The following SDK2 variants were observed in gnomAD, a reference collection of about 807,000 sequenced individuals.
The protein encoded by SDK2 is sidekick cell adhesion molecule 2, also known as protein sidekick-2.
Under a neutral mutation model 253.9 loss-of-function variants are expected in SDK2, and 105 were observed. That is an observed-to-expected ratio of 0.41 (90% CI 0.35 to 0.49). The LOEUF is 0.49. SDK2 is among the 20% of genes least tolerant of loss of function. The pLI, the probability that SDK2 is intolerant of heterozygous loss-of-function variation, is 0.06. For missense variants in SDK2, 2,608 were observed against 3,003.0 expected (o/e 0.87, Z 3.07); for synonymous variants, 1,249 against 1,234.9 (o/e 1.01, Z -0.24).
At chr17:73,533,837 G>A (rs1270342558) in intron 1 of SDK2, among the ~76,000 whole-genome samples, 1 of 152,122 alleles carries the variant, frequency 6.6e-6, no homozygotes, top group Non-Finnish European at 1.5e-5. Flanking sequence ...TTGAGACTCT[G>A]CCCCCAAAGA....
At chr17:73,394,471 G>T (rs191199954) in intron 25 of SDK2, 147 bp from the exon 26 acceptor site, 275 of 481,028 alleles carry the variant, frequency 5.7e-4, no homozygotes, top group Admixed American at 8.5e-4. Context: ...TCCCCAAACT[G>T]CAAACAATCC....
At chr17:73,593,155 G>A (rs936858648) in intron 1 of SDK2, among the ~76,000 whole-genome samples, 7 of 152,098 alleles carry the variant, frequency 4.6e-5, no homozygotes, top group Non-Finnish European at 7.4e-5. Context: ...CGACAGGCTG[G>A]GTACCCCACC....
chr17:73,550,390 C>T (rs1042633834), intron 1 of SDK2, among the ~76,000 whole-genome samples: 1 of 152,192 alleles, frequency 6.6e-6, no homozygotes, highest in African/African-American at 2.4e-5. Context: ...AGCTCAATTA[C>T]TGCCAAAATG....
At chr17:73,535,155 G>A (rs2044753413) in intron 1 of SDK2, among the ~76,000 whole-genome samples, 1 of 152,230 alleles carries the variant, frequency 6.6e-6, no homozygotes, top group Non-Finnish European at 1.5e-5. Flanking sequence ...CCTCATCCAT[G>A]TGTGAGGACA....
intron 3 of SDK2, among the ~76,000 whole-genome samples, chr17:73,459,096 C>T (rs912472385): frequency 1.3e-5 from 2 of 152,188 alleles, no homozygotes; most frequent in Non-Finnish European, 2.9e-5. Flanking sequence ...CCCCTGGAGC[C>T]TTTGGTGGAG....
At chr17:73,626,681 G>C (rs1411817232) in intron 1 of SDK2, among the ~76,000 whole-genome samples, 1 of 152,324 alleles carries the variant, frequency 6.6e-6, no homozygotes, top group Non-Finnish European at 1.5e-5. Flanking sequence ...ACAGGGCTGA[G>C]GAAGGAATTC....
chr17:73,354,506 C>T (rs1414290224), intron 40 of SDK2, among the ~76,000 whole-genome samples: 1 of 152,140 alleles, frequency 6.6e-6, no homozygotes, highest in African/African-American at 2.4e-5. Context: ...GTCAGCCTGG[C>T]CCTGAGAGAG....
Position 73,525,399 on chromosome 17 carries a change from A to G in SDK2, c.65-17802T>C, listed in dbSNP as rs11868900. On this transcript the variant is annotated intron_variant, in intron 1 of 44. Transcript: ENST00000392650. ...CCAGCAAGGGAAAGGGAGAGTTTAC[A>G]GGAAGGCGACAAGTTACCGGAAAGG... 5.7e-3 allele frequency among the ~76,000 whole-genome samples: 865 copies of G among 152,332 alleles called. 1 individual carries two copies. The highest frequency in any genetic ancestry group is 8.0e-3 in the Non-Finnish European group (544 of 68,024).
At chr17:73,372,639 G>C (rs1447328457) in intron 36 of SDK2, among the ~76,000 whole-genome samples, 1 of 152,084 alleles carries the variant, frequency 6.6e-6, no homozygotes, top group Non-Finnish European at 1.5e-5. Flanking sequence ...TACTCGGGAG[G>C]CTGAGACAGG....
At chr17:73,408,331 C>T (rs1295481285) in intron 18 of SDK2, among the ~76,000 whole-genome samples, 2 of 151,546 alleles carry the variant, frequency 1.3e-5, no homozygotes, top group Non-Finnish European at 2.9e-5. Context: ...CTTTCTCCTG[C>T]CTCAGCCTCC....
chr17:73,480,022 G>C (rs1029405348), intron 2 of SDK2, among the ~76,000 whole-genome samples: 3 of 152,140 alleles, frequency 2.0e-5, no homozygotes, highest in African/African-American at 7.2e-5. Context: ...CATCACCCAG[G>C]TATTAAGCCT....
Position 73,438,879 on chromosome 17 carries a change from C to T in SDK2, c.726-725G>A, listed in dbSNP as rs1015382031. 6.6e-5 allele frequency among the ~76,000 whole-genome samples: 10 copies of T among 152,132 alleles called. No individual in the cohort carries two copies. In the South Asian group the frequency reaches 1.7e-3, roughly 25 times the overall value. On this transcript the variant is annotated intron_variant, in intron 6 of 44. Coordinates refer to ENST00000392650, the MANE Select transcript of SDK2 (RefSeq NM_001144952.2). Reference sequence around the variant, plus strand: ...CCCCATGGAAAAGGAGTTCTGTGGCCGCATACGTCTGGGAAACAGCGGCTT... The same window carrying T: ...CCCCATGGAAAAGGAGTTCTGTGGCTGCATACGTCTGGGAAACAGCGGCTT...
At chr17:73,445,698 TGGCA>T (rs35240393) in intron 5 of SDK2, among the ~76,000 whole-genome samples, 43 of 151,330 alleles carry the variant, frequency 2.8e-4, no homozygotes, top group African/African-American at 6.1e-4. Context: ...ACAAATTGGT[TGGCA>T]GGCAGGCAGG....
chr17:73,348,647 T>C lies in SDK2; in HGVS notation c.6117A>G (p.Ala2039=). Residue 2039 remains alanine (A), a synonymous_variant, in exon 44 of 45, where the codon GCA becomes GCG. Coordinates refer to ENST00000392650, the MANE Select transcript of SDK2 (RefSeq NM_001144952.2). ...DVTKYNDLIP[A]ESSSLTEKPS... ...GCTTCTCCGTCAGGCTGCTGCTCTC[T>C]GCAGGGATGAGGTCGTTGTATTTGG... The C allele has an allele frequency of 6.2e-7, 1 of 1,613,120 alleles. No individual in the cohort carries two copies. Among genetic ancestry groups the C allele is most frequent in the Non-Finnish European group, 8.5e-7 (1 of 1,179,824 alleles).
Position 73,435,341 on chromosome 17 carries a change from C to G in SDK2, c.1195+109G>C, listed in dbSNP as rs1426500863. Reference sequence around the variant, plus strand: ...AGCAGGCGGCCTTTGGGGATCCTATCTGCTTAATGGAACGTGCTATGCACA... The same window carrying G: ...AGCAGGCGGCCTTTGGGGATCCTATGTGCTTAATGGAACGTGCTATGCACA... On this transcript the variant is annotated intron_variant, in intron 9 of 44. Coordinates refer to ENST00000392650, the MANE Select transcript of SDK2 (RefSeq NM_001144952.2). The surrounding 1 kb of genome is among the most constrained non-coding windows in gnomAD (Gnocchi z 5.7). 8.8e-7 allele frequency: 1 copy of G among 1,136,542 alleles called. No homozygotes were observed. Among genetic ancestry groups the G allele is most frequent in the African/African-American group, 1.6e-5 (1 of 63,628 alleles). The allele number at this position is 1,136,542 out of a possible 1,614,324, so 70.4% of individuals were successfully genotyped here.
chr17:73,531,397 C>G (rs928139744), intron 1 of SDK2, among the ~76,000 whole-genome samples: 1 of 152,212 alleles, frequency 6.6e-6, no homozygotes, highest in Non-Finnish European at 1.5e-5. Flanking sequence ...GCCCTTCCCC[C>G]ACCTCTGACC....
rs1353579776 is a variant in SDK2 at position 73,401,015 on chromosome 17, C to T, written c.2971+5G>A. 2 of 1,566,864 alleles carry T rather than the reference C, an allele frequency of 1.3e-6. No homozygotes were observed. Among genetic ancestry groups the T allele is most frequent in the Admixed American group, 1.9e-5 (1 of 53,036 alleles). On this transcript the variant is annotated splice_donor_5th_base_variant and intron_variant, in intron 21 of 44. Coordinates refer to ENST00000392650, the MANE Select transcript of SDK2 (RefSeq NM_001144952.2). ...AAGAGTCCTGCCTTGAGAGTGGGCACTTACCTGGGGGCACCCCAGAGGAGA... is the reference window on the plus strand; with the variant it reads ...AAGAGTCCTGCCTTGAGAGTGGGCATTTACCTGGGGGCACCCCAGAGGAGA...
Position 73,435,529 on chromosome 17 carries a change from G to C in SDK2, c.1116C>G (p.Pro372=). Residue 372 remains proline, a synonymous_variant, in exon 9 of 45, where the codon CCC becomes CCG. Transcript: ENST00000392650. The surrounding 1 kb of genome is among the most constrained non-coding windows in gnomAD (Gnocchi z 5.7). ...AGCACTGGAACATGCCGGTATCATC[G>C]GGCACCAGGCCGCTGATCTGCAGGC... The part of the protein sequence containing the change: ...DGGLQISGLV[P]DDTGMFQCFA... The C allele has an allele frequency of 6.3e-7, 1 of 1,599,292 alleles. No individual in the cohort carries two copies. The highest frequency in any genetic ancestry group is 8.5e-7 in the Non-Finnish European group (1 of 1,173,440).
Position 73,623,356 on chromosome 17 carries a change from G to A in SDK2, c.64+20669C>T, listed in dbSNP as rs566666058. ...GTCATCATAGAGGCAGTCTGGCTCT[G>A]GGGTTCCCCCTCTCTGTTCTCTATT... is the stretch of plus-strand genomic sequence containing the variant. On this transcript the variant is annotated intron_variant, in intron 1 of 44. Transcript: ENST00000392650. Among the ~76,000 whole-genome samples the A allele has an allele frequency of 7.2e-5, 11 of 152,238 alleles. No individual in the cohort carries two copies. In the South Asian group the frequency reaches 1.2e-3, roughly 17 times the overall value.
Sources: gnomAD v4.1 joint callset for allele counts (sites outside exome capture counted in the v4.1 genomes callset) on GRCh38, gnomAD v4.1.1 for gene constraint, Gnocchi (gnomAD v3.1) non-coding constraint, MANE v1.5 for transcripts, NCBI Gene and HGNC (gene_info 2026-07-23, HGNC 2026-07-21) for gene names.